ZC3HAV1L: variants seen among roughly 807,000 people sequenced by gnomAD.
The protein encoded by ZC3HAV1L is zinc finger CCCH-type antiviral protein 1-like.
A neutral mutation model predicts 28.2 loss-of-function variants in ZC3HAV1L; 23 were observed. The ratio of observed to expected loss-of-function variants is 0.82; its 90% CI spans 0.59 to 1.16. The LOEUF (loss-of-function observed/expected upper bound fraction) is 1.16, where lower values mean the gene tolerates loss of function less well. Ranked by LOEUF, ZC3HAV1L falls within the 50% of genes most tolerant of loss-of-function variation. The probability of loss-of-function intolerance (pLI) is 0.00; values close to 1 mark genes in which losing one functional copy is unlikely to be tolerated. For synonymous variants in ZC3HAV1L, 180 were observed against 163.4 expected, an observed-to-expected ratio of 1.10 and a Z score of -0.78; for missense variants, 376 against 387.7, an observed-to-expected ratio of 0.97 and a Z score of 0.25.
Position 139,026,829 on chromosome 7 carries a change from A to T in ZC3HAV1L, c.765T>A (p.Asn255Lys). 6.2e-7 allele frequency: 1 copy of T among 1,610,518 alleles called. No homozygotes were observed. The highest frequency in any genetic ancestry group is 8.5e-7 in the Non-Finnish European group (1 of 1,177,956). ...KLHKMLENTD[N>K]SSPSTEHSQG... ...GTGAATGCTCAGTCGAAGGTGATGAATTATCTACAAAGAGGAAAGGGATAA... is the reference window on the plus strand; with the variant it reads ...GTGAATGCTCAGTCGAAGGTGATGATTTATCTACAAAGAGGAAAGGGATAA... The change falls in exon 4 of 5, where the codon AAT becomes AAA. Residue 255 changes from asparagine (N) to lysine (K), a missense_variant. Asn to Lys is a moderately conservative substitution (Grantham distance 94). Coordinates refer to ENST00000275766, the MANE Select transcript of ZC3HAV1L (RefSeq NM_080660.4).
chr7:139,022,224 A>T (rs1399038059), downstream of ZC3HAV1L, among the ~76,000 whole-genome samples: 1 of 152,126 alleles, frequency 6.6e-6, no homozygotes, highest in East Asian at 1.9e-4. Flanking sequence ...CACATTCCTT[A>T]GGGGGAAAAA....
At chr7:139,028,372 C>CAAAAAAAAAAAAAAAAAAAAAAA (rs1487970195) in intron 3 of ZC3HAV1L, among the ~76,000 whole-genome samples, 2 of 118,886 alleles carry the variant, frequency 1.7e-5, no homozygotes, top group African/African-American at 6.6e-5. Context: ...GACTCTGTCT[C>CAAAAAAAAAAAAAAAAAAAAAAA]AAAAAAAAAA....
downstream of ZC3HAV1L, chr7:139,025,568 C>G (rs1815331667): frequency 6.6e-6 from 1 of 151,910 alleles, no homozygotes; most frequent in South Asian, 2.1e-4. Context: ...CATCCAAGCA[C>G]AGTATTGCTG....
Position 139,035,990 on chromosome 7 carries a change from G to T in ZC3HAV1L, c.28C>A (p.Leu10Ile). ...CCGTGGGCGCACAGCACCTTGGTGA[G>T]GAAGGAGCACACTGTGGGCTCCGCC... MAEPTVCSFLTKVLCAHGGR... is the reference protein window; with the variant it reads MAEPTVCSFITKVLCAHGGR... Residue 10 changes from leucine to isoleucine, a missense_variant, in exon 1 of 5, where the codon CTC (leucine) becomes ATC (isoleucine). Transcript: ENST00000275766. 1 of 1,524,468 alleles carries T rather than the reference G, an allele frequency of 6.6e-7. No homozygotes were observed. The highest frequency in any genetic ancestry group is 8.7e-7 in the Non-Finnish European group (1 of 1,144,408). 94.4% of individuals were successfully genotyped at this position (1,524,468 alleles called of 1,614,324 possible).
chr7:139,031,191 T>C (rs1584820820), intron 2 of ZC3HAV1L, among the ~76,000 whole-genome samples: 1 of 152,256 alleles, frequency 6.6e-6, no homozygotes, highest in Non-Finnish European at 1.5e-5. Context: ...CTCATGGCTG[T>C]ACTCCTAGCA....
rs1243459134 is a variant in ZC3HAV1L at position 139,035,939 on chromosome 7, G to A, written c.79C>T (p.Arg27Cys). The A allele has an allele frequency of 6.6e-7, 1 of 1,516,124 alleles. No individual in the cohort carries two copies. 93.9% of individuals were successfully genotyped at this position (1,516,124 alleles called of 1,614,324 possible). ...GCCTCCGACAGCTCCACGTGGCCGC[G>A]CAGGTCCTTCAGGAACATGCGGCCG... ...HGGRMFLKDLRGHVELSEARL... is the reference protein window; with the variant it reads ...HGGRMFLKDLCGHVELSEARL... Residue 27 changes from arginine (R) to cysteine (C), a missense_variant, in exon 1 of 5, where the codon CGC becomes TGC. Physicochemically the swap from Arg to Cys is radical, Grantham distance 180. Transcript: ENST00000275766.
intron 3 of ZC3HAV1L, among the ~76,000 whole-genome samples, chr7:139,027,773 T>C (rs1233055284): frequency 6.6e-6 from 1 of 152,230 alleles, no homozygotes; most frequent in Admixed American, 6.5e-5. Flanking sequence ...TGATGTTGTA[T>C]AAAGTAGAAA....
intron 2 of ZC3HAV1L, among the ~76,000 whole-genome samples, chr7:139,030,744 G>C (rs1815500626): frequency 9.1e-6 from 1 of 109,522 alleles, no homozygotes; most frequent in Non-Finnish European, 2.1e-5. Context: ...TGCTTAACCT[G>C]GGTGGCAGAG....
At chr7:139,035,025 AG>A in intron 1 of ZC3HAV1L, 1 of 985,442 alleles carries the variant, frequency 1.0e-6, no homozygotes, top group African/African-American at 1.7e-5. Context: ...CCCTATCCCC[AG>A]CACCGCTTTG....
intron 2 of ZC3HAV1L, chr7:139,033,640 G>T: frequency 1.2e-6 from 1 of 838,094 alleles, no homozygotes; most frequent in Non-Finnish European, 1.4e-6. Context: ...CACTGAAGTA[G>T]TCTAATATGA....
intron 2 of ZC3HAV1L, among the ~76,000 whole-genome samples, chr7:139,033,382 T>C (rs1212817370): frequency 6.6e-6 from 1 of 152,208 alleles, no homozygotes; most frequent in Middle Eastern, 3.2e-3. Context: ...TGCACCAGCA[T>C]GAAACTTTAC....
intron 1 of ZC3HAV1L, chr7:139,035,349 C>T (rs1815670803): frequency 1.0e-6 from 1 of 985,288 alleles, no homozygotes; most frequent in Non-Finnish European, 1.2e-6. Flanking sequence ...AAGTGAGCTC[C>T]GAAGTCCCAG....
intron 4 of ZC3HAV1L, 71 bp downstream of exon 4, chr7:139,026,637 G>C (rs1815359816): frequency 6.2e-7 from 1 of 1,612,528 alleles, no homozygotes; most frequent in Admixed American, 1.7e-5. Context: ...AAGCTAAACA[G>C]AAGGCTTGTT....
Position 139,028,751 on chromosome 7 carries a change from T to C in ZC3HAV1L, c.711A>G (p.Ile237Met). The C allele has an allele frequency of 6.2e-7, 1 of 1,614,196 alleles. No homozygotes were observed. The highest frequency in any genetic ancestry group is 8.5e-7 in the Non-Finnish European group (1 of 1,180,040). The change falls in exon 3 of 5, where the codon ATA becomes ATG. Residue 237 changes from isoleucine (I) to methionine (M), a missense_variant. Physicochemically the swap from Ile to Met is conservative, Grantham distance 10 (BLOSUM62 1). Transcript: ENST00000275766. ...GCTTCATATGCTTGTAGGTGGAGATTATCTGAAAATTAACAACACTTGGAA... is the reference window on the plus strand; with the variant it reads ...GCTTCATATGCTTGTAGGTGGAGATCATCTGAAAATTAACAACACTTGGAA... ...LNIPSVVNFQIISTYKHMKLH... is the reference protein window; with the variant it reads ...LNIPSVVNFQMISTYKHMKLH...
downstream of ZC3HAV1L, among the ~76,000 whole-genome samples, chr7:139,025,427 A>AAC (rs1012787428): frequency 1.4e-5 from 2 of 147,664 alleles, no homozygotes; most frequent in African/African-American, 5.1e-5. Context: ...CGGCCTGGGC[A>AAC]ACAAGAGTGA....
In ZC3HAV1L at chr7:139,035,960, G is replaced by C; in HGVS notation, c.58C>G (p.Arg20Gly). ...CCGCGCAGGTCCTTCAGGAACATGC[G>C]GCCGCCGTGGGCGCACAGCACCTTG... ...LTKVLCAHGG[R>G]MFLKDLRGHV... Residue 20 changes from arginine to glycine, a missense_variant, in exon 1 of 5, where the codon CGC becomes GGC. Physicochemically the swap from Arg to Gly is moderately radical, Grantham distance 125. Coordinates refer to ENST00000275766, the MANE Select transcript of ZC3HAV1L (RefSeq NM_080660.4). 1 of 1,519,900 alleles carries C rather than the reference G, an allele frequency of 6.6e-7. No homozygotes were observed. The highest frequency in any genetic ancestry group is 8.8e-7 in the Non-Finnish European group (1 of 1,141,906). The allele number at this position is 1,519,900 out of a possible 1,614,324, so 94.2% of individuals were successfully genotyped here.
chr7:139,025,481 T>C (rs1273330440), downstream of ZC3HAV1L, among the ~76,000 whole-genome samples: 4 of 147,526 alleles, frequency 2.7e-5, no homozygotes, highest in Non-Finnish European at 6.0e-5. Context: ...CAGAGTGAGG[T>C]AGAAGTCTCT....
chr7:139,027,524 A>T (rs1030134281), intron 3 of ZC3HAV1L, among the ~76,000 whole-genome samples: 6 of 152,268 alleles, frequency 3.9e-5, no homozygotes, highest in Admixed American at 2.0e-4. Context: ...GAAAAATTTT[A>T]AAAAATAGCT....
At chr7:139,032,671 A>G (rs954307235) in intron 2 of ZC3HAV1L, among the ~76,000 whole-genome samples, 2 of 150,586 alleles carry the variant, frequency 1.3e-5, no homozygotes, top group African/African-American at 2.4e-5. Context: ...ATAAAATAAA[A>G]TAAATAAAAA....
Sources: gnomAD v4.1 joint callset for allele counts (sites outside exome capture counted in the v4.1 genomes callset) on GRCh38, gnomAD v4.1.1 for gene constraint, MANE v1.5 for transcripts, NCBI Gene and HGNC (gene_info 2026-07-23, HGNC 2026-07-21) for gene names.